SPOCK3: variants seen among roughly 807,000 people sequenced by gnomAD.
SPOCK3 encodes the protein testican-3.
SPOCK3 carries 30 observed loss-of-function variants against 56.6 expected under a neutral mutation model. The ratio of observed to expected loss-of-function variants is 0.53; its 90% CI spans 0.40 to 0.72. SPOCK3 has a LOEUF of 0.72. Ranked by LOEUF, SPOCK3 falls within the 30% of genes least tolerant of loss-of-function variation. The pLI is 0.00. For synonymous variants in SPOCK3, 196 were observed against 183.3 expected, an observed-to-expected ratio of 1.07 and a Z score of -0.56; for missense variants, 527 against 530.0, an observed-to-expected ratio of 0.99 and a Z score of 0.06.
At chr4:167,166,185 T>TA (rs1765746642) in intron 2 of SPOCK3, among the ~76,000 whole-genome samples, 1 of 152,102 alleles carries the variant, frequency 6.6e-6, no homozygotes, top group Non-Finnish European at 1.5e-5. Flanking sequence ...TTTGATATTG[T>TA]AGAGAACTAG....
rs548228010 is a variant in SPOCK3, at chr4:166,770,240, A to T, written c.710-15511T>A. ...CCCAGTGAGATGAACCGGGTACCTC[A>T]GTTGGAAATGCAGAAATCACCCATC... is the stretch of plus-strand genomic sequence containing the variant. On this transcript the variant is annotated intron_variant, in intron 7 of 10. Transcript: ENST00000357545. Among the ~76,000 whole-genome samples, 7 of 152,232 alleles carry T rather than the reference A, an allele frequency of 4.6e-5. No homozygotes were observed. The South Asian group carries it at 1.5e-3, about 32-fold the overall frequency.
chr4:166,885,760 A>T (rs1214949216), intron 6 of SPOCK3, among the ~76,000 whole-genome samples: 1 of 152,238 alleles, frequency 6.6e-6, no homozygotes, highest in Non-Finnish European at 1.5e-5. Context: ...GAAATGAATT[A>T]AATTTTAAGA....
intron 3 of SPOCK3, among the ~76,000 whole-genome samples, chr4:167,049,634 T>C (rs1754020197): frequency 6.6e-6 from 1 of 152,332 alleles, no homozygotes; most frequent in Non-Finnish European, 1.5e-5. Flanking sequence ...AAAATCTAGA[T>C]ATTAAGTGAT....
At chr4:167,044,910 A>G (rs1753578009) in intron 3 of SPOCK3, among the ~76,000 whole-genome samples, 1 of 152,100 alleles carries the variant, frequency 6.6e-6, no homozygotes, top group Non-Finnish European at 1.5e-5. Context: ...GAAGCAGTCT[A>G]TAGATGTCAA....
intron 2 of SPOCK3, among the ~76,000 whole-genome samples, chr4:167,193,125 G>C (rs1274104140): frequency 6.9e-6 from 1 of 145,912 alleles, no homozygotes; most frequent in Non-Finnish European, 1.5e-5. Context: ...TACATTTAAA[G>C]TTATTACTAA....
At chr4:167,030,127 A>ATCTATC (rs1176450066) in intron 3 of SPOCK3, among the ~76,000 whole-genome samples, 5 of 147,768 alleles carry the variant, frequency 3.4e-5, no homozygotes, top group East Asian at 4.0e-4. Flanking sequence ...CTATCTATCT[A>ATCTATC]TCTTTCCATC....
intron 3 of SPOCK3, among the ~76,000 whole-genome samples, chr4:167,005,325 T>A (rs1044998835): frequency 6.6e-6 from 1 of 152,074 alleles, no homozygotes; most frequent in African/African-American, 2.4e-5. Context: ...TTCTCCTGCC[T>A]CAGCCTTCCG....
At chr4:167,023,742 T>A (rs1250964443) in intron 3 of SPOCK3, among the ~76,000 whole-genome samples, 1 of 152,022 alleles carries the variant, frequency 6.6e-6, no homozygotes, top group Non-Finnish European at 1.5e-5. Flanking sequence ...ATGGTGAGAC[T>A]ACTGGGACTT....
At chr4:167,157,642 T>G (rs1206561155) in intron 2 of SPOCK3, among the ~76,000 whole-genome samples, 1 of 140,518 alleles carries the variant, frequency 7.1e-6, no homozygotes, top group Non-Finnish European at 1.5e-5. Context: ...CAATAAATCA[T>G]TGTTTAAAAC....
intron 4 of SPOCK3, among the ~76,000 whole-genome samples, chr4:166,918,206 T>C (rs1421933063): frequency 6.6e-6 from 1 of 152,160 alleles, no homozygotes. Context: ...AAATTATCTT[T>C]CAGTGTGAGA....
chr4:167,030,734 T>G (rs952763193), intron 3 of SPOCK3, among the ~76,000 whole-genome samples: 2 of 152,094 alleles, frequency 1.3e-5, no homozygotes, highest in Admixed American at 6.6e-5. Flanking sequence ...AGGACATGGT[T>G]GCTGAATTCT....
intron 6 of SPOCK3, among the ~76,000 whole-genome samples, chr4:166,848,184 C>A (rs1482472962): frequency 1.3e-5 from 2 of 152,288 alleles, no homozygotes; most frequent in East Asian, 3.9e-4. Context: ...TTTATAAATG[C>A]TCATATTGCA....
intron 2 of SPOCK3, among the ~76,000 whole-genome samples, chr4:167,185,655 A>G (rs1298444358): frequency 6.6e-6 from 1 of 152,088 alleles, no homozygotes; most frequent in Non-Finnish European, 1.5e-5. Context: ...AGTCATATCT[A>G]TGACAAGAAA....
At chr4:167,183,776 T>C (rs1272895012) in intron 2 of SPOCK3, among the ~76,000 whole-genome samples, 1 of 152,128 alleles carries the variant, frequency 6.6e-6, no homozygotes. Context: ...AATAAGAGAT[T>C]GTCTAAAAGA....
chr4:167,169,489 C>A (rs1223481219), intron 2 of SPOCK3, among the ~76,000 whole-genome samples: 1 of 152,112 alleles, frequency 6.6e-6, no homozygotes, highest in Non-Finnish European at 1.5e-5. Flanking sequence ...GGGCCTGTAG[C>A]TAATTCTTCC....
chr4:167,119,808 A>T (rs1173033725), intron 2 of SPOCK3: 1 of 1,534,506 alleles, frequency 6.5e-7, no homozygotes, highest in Admixed American at 2.0e-5. Flanking sequence ...CTGAGCCCAG[A>T]AGACATGTGG....
chr4:166,868,865 T>C (rs1732154390), intron 6 of SPOCK3, among the ~76,000 whole-genome samples: 1 of 152,152 alleles, frequency 6.6e-6, no homozygotes, highest in South Asian at 2.1e-4. Flanking sequence ...AATTTCTCTA[T>C]TATCTTTTTT....
At chr4:166,980,442 A>G (rs1373800374) in intron 4 of SPOCK3, among the ~76,000 whole-genome samples, 2 of 152,216 alleles carry the variant, frequency 1.3e-5, no homozygotes, top group African/African-American at 4.8e-5. Flanking sequence ...TCCAGCATGA[A>G]ACCTCTGTGG....
intron 2 of SPOCK3, among the ~76,000 whole-genome samples, chr4:167,117,716 G>T (rs190082637): frequency 1.3e-5 from 2 of 152,250 alleles, no homozygotes; most frequent in East Asian, 1.9e-4. Flanking sequence ...GGAGCAAAGT[G>T]CAATCTCCAG....
Sources: allele counts gnomAD v4.1 joint callset (sites outside exome capture counted in the v4.1 genomes callset), GRCh38; gene constraint gnomAD v4.1.1; transcripts MANE v1.5; gene names NCBI Gene and HGNC (gene_info 2026-07-23, HGNC 2026-07-21).